CDH4: variants seen among roughly 807,000 people sequenced by gnomAD.
CDH4 encodes cadherin-4.
In CDH4, 33 loss-of-function variants were observed where a neutral mutation model predicts 86.0. That is an observed-to-expected ratio of 0.38 (90% CI 0.29 to 0.51). The LOEUF (loss-of-function observed/expected upper bound fraction) is 0.51. Ranked by LOEUF, CDH4 falls within the 20% of genes least tolerant of loss-of-function variation. The pLI, the probability that CDH4 is intolerant of heterozygous loss-of-function variation, is 0.86. For missense variants in CDH4, 1,114 were observed against 1,307.4 expected, an observed-to-expected ratio of 0.85 and a Z score of 2.28; for synonymous variants, 555 against 549.4, an observed-to-expected ratio of 1.01 and a Z score of -0.14.
At chr20:61,885,125 G>A (rs547851649) in intron 7 of CDH4, among the ~76,000 whole-genome samples, 1 of 152,244 alleles carries the variant, frequency 6.6e-6, no homozygotes, top group African/African-American at 2.4e-5. Context: ...GGGGACTGAA[G>A]TCGACACATA....
At position 61,853,522 on chromosome 20, in the gene CDH4, G is replaced by A. The variant is rs565371983; in HGVS notation, c.877+624G>A. Among the ~76,000 whole-genome samples the A allele has an allele frequency of 5.9e-5, 9 of 151,968 alleles. 1 individual carries two copies. The highest frequency in any genetic ancestry group is 4.2e-4 in the South Asian group (2 of 4,796). ...ACTTCACTCTGGCACCGGTGGTGGC[G>A]CCTGCTTTTTCATGTGTGGGGCCCT... On this transcript the variant is annotated intron_variant, in intron 6 of 15. Coordinates refer to ENST00000614565, the MANE Select transcript of CDH4 (RefSeq NM_001794.5).
At chr20:61,296,709 G>A (rs373240989) in intron 2 of CDH4, among the ~76,000 whole-genome samples, 7 of 152,272 alleles carry the variant, frequency 4.6e-5, no homozygotes, top group South Asian at 2.1e-4. Flanking sequence ...TTTGAGAAGC[G>A]TGTTCTGGAA....
At chr20:61,463,242 T>C (rs952389034) in intron 2 of CDH4, among the ~76,000 whole-genome samples, 6 of 152,160 alleles carry the variant, frequency 3.9e-5, no homozygotes, top group African/African-American at 1.2e-4. Context: ...CAGTTTCTGG[T>C]ATGTCTTTAT....
At chr20:61,294,164 C>T (rs989504165) in intron 2 of CDH4, among the ~76,000 whole-genome samples, 3 of 152,148 alleles carry the variant, frequency 2.0e-5, no homozygotes, top group Admixed American at 6.5e-5. Context: ...CAGCCACCCC[C>T]GCACTCCCTG....
At chr20:61,696,402 G>A (rs958363396) in intron 2 of CDH4, among the ~76,000 whole-genome samples, 2 of 152,248 alleles carry the variant, frequency 1.3e-5, no homozygotes, top group African/African-American at 4.8e-5. Flanking sequence ...GACTTGGGCT[G>A]AGGATGCTAG....
chr20:61,599,386 CA>C (rs2145742274), intron 2 of CDH4, among the ~76,000 whole-genome samples: 1 of 152,328 alleles, frequency 6.6e-6, no homozygotes, highest in Admixed American at 6.5e-5. Context: ...TGTCAGGTGG[CA>C]GAGCCAGGCC....
intron 4 of CDH4, among the ~76,000 whole-genome samples, chr20:61,791,047 C>A (rs1979167157): frequency 3.9e-5 from 6 of 152,070 alleles, no homozygotes; most frequent in Admixed American, 3.3e-4. Flanking sequence ...ATAACCACAG[C>A]ACCCAGCTCC....
chr20:61,573,147 A>G (rs2086357052), intron 2 of CDH4, among the ~76,000 whole-genome samples: 1 of 152,162 alleles, frequency 6.6e-6, no homozygotes. Flanking sequence ...ACCCCTGCAC[A>G]GTCCTTTCTT....
intron 2 of CDH4, among the ~76,000 whole-genome samples, chr20:61,441,610 A>G (rs373974012): frequency 1.3e-5 from 2 of 152,166 alleles, no homozygotes; most frequent in Admixed American, 6.5e-5. Context: ...GCCCTCAGGA[A>G]TGGGATTAGA....
chr20:61,936,274 C>T (rs556057079), intron 15 of CDH4, among the ~76,000 whole-genome samples: 37 of 139,874 alleles, frequency 2.6e-4, no homozygotes, highest in African/African-American at 9.7e-4. Flanking sequence ...CCCTTGCCCT[C>T]TCCCACACCC....
At position 61,810,301 on chromosome 20, in the gene CDH4, C is replaced by T. The variant is rs1489709798; in HGVS notation, c.577-34367C>T. Reference sequence around the variant, plus strand: ...TGGCTATCCACCGGGCCAGTCGGGGCGGCTGTGCCAGGCTGTCGTCCCCCC... The same window carrying T: ...TGGCTATCCACCGGGCCAGTCGGGGTGGCTGTGCCAGGCTGTCGTCCCCCC... On this transcript the variant is annotated intron_variant, in intron 4 of 15. Transcript: ENST00000614565. The surrounding 1 kb of genome is among the most constrained non-coding windows in gnomAD (Gnocchi z 4.3). Among the ~76,000 whole-genome samples, 5 of 152,174 alleles carry T rather than the reference C, an allele frequency of 3.3e-5. No homozygotes were observed. The highest frequency in any genetic ancestry group is 1.9e-4 in the East Asian group (1 of 5,186).
Position 61,512,075 on chromosome 20 carries a change from C to T in CDH4, c.170-231488C>T, listed in dbSNP as rs995754284. 5.3e-5 allele frequency among the ~76,000 whole-genome samples: 8 copies of T among 152,060 alleles called. 1 individual carries two copies. The South Asian group carries it at 6.2e-4, about 12-fold the overall frequency. On this transcript the variant is annotated intron_variant, in intron 2 of 15. Transcript: ENST00000614565. Reference sequence around the variant, plus strand: ...CGCCTGCAAGGACTGTAATCAAGCCCGTGTGTTTACTGGGATGTGGTTGAG... The same window carrying T: ...CGCCTGCAAGGACTGTAATCAAGCCTGTGTGTTTACTGGGATGTGGTTGAG...
chr20:61,865,011 C>T (rs1250894572), intron 6 of CDH4, among the ~76,000 whole-genome samples: 1 of 152,172 alleles, frequency 6.6e-6, no homozygotes, highest in South Asian at 2.1e-4. Context: ...TAAATCCACC[C>T]CTGAGTGGAT....
intron 2 of CDH4, among the ~76,000 whole-genome samples, chr20:61,296,993 A>AG (rs1489104104): frequency 2.6e-5 from 4 of 152,298 alleles, no homozygotes; most frequent in Non-Finnish European, 5.9e-5. Context: ...ATTAAGTGAG[A>AG]GGGACCCCAG....
At chr20:61,514,932 C>A (rs907589707) in intron 2 of CDH4, among the ~76,000 whole-genome samples, 1 of 152,132 alleles carries the variant, frequency 6.6e-6, no homozygotes, top group East Asian at 1.9e-4. Context: ...CCTGGAGGCC[C>A]AGGGCACACC....
At chr20:61,919,137 T>G (rs2054939310) in intron 9 of CDH4, among the ~76,000 whole-genome samples, 1 of 152,198 alleles carries the variant, frequency 6.6e-6, no homozygotes, top group African/African-American at 2.4e-5. Flanking sequence ...TTTCAAAGTG[T>G]TGGGATTACA....
intron 2 of CDH4, among the ~76,000 whole-genome samples, chr20:61,648,623 C>T (rs113042469): frequency 5.3e-5 from 8 of 152,310 alleles, no homozygotes; most frequent in Admixed American, 2.0e-4. Flanking sequence ...CATTCCTTTA[C>T]CATCAGAACC....
chr20:61,706,032 C>T (rs1457055152), intron 2 of CDH4, among the ~76,000 whole-genome samples: 2 of 152,206 alleles, frequency 1.3e-5, no homozygotes, highest in Admixed American at 6.5e-5. Flanking sequence ...TCTGAAAGCC[C>T]TGTTCTTCCC....
At chr20:61,917,557 AG>A (rs2054917455) in intron 9 of CDH4, among the ~76,000 whole-genome samples, 1 of 152,194 alleles carries the variant, frequency 6.6e-6, no homozygotes, top group Non-Finnish European at 1.5e-5. Flanking sequence ...TCCCCAAGAC[AG>A]GGGCGCAGAG....
Sources: gnomAD v4.1 joint callset for allele counts (sites outside exome capture counted in the v4.1 genomes callset) on GRCh38, gnomAD v4.1.1 for gene constraint, Gnocchi (gnomAD v3.1) non-coding constraint, MANE v1.5 for transcripts, NCBI Gene and HGNC (gene_info 2026-07-23, HGNC 2026-07-21) for gene names.